WASF1: variants seen among roughly 807,000 people sequenced by gnomAD.
WASF1 encodes actin-binding protein WASF1.
Under a neutral mutation model 50.5 loss-of-function variants are expected in WASF1, and 7 were observed. The observed-to-expected ratio is 0.14, with a 90% CI of 0.08 to 0.26. The LOEUF is 0.26. Among genes scored for constraint, WASF1 ranks in the 10% least tolerant of loss-of-function variants. The pLI is 1.00. For synonymous variants in WASF1, 205 were observed against 244.0 expected (o/e 0.84, Z 1.49); for missense variants, 470 against 694.7 (o/e 0.68, Z 3.64).
chr6:110,153,364 A>G (rs1196525605), intron 3 of WASF1, among the ~76,000 whole-genome samples: 1 of 152,160 alleles, frequency 6.6e-6, no homozygotes, highest in South Asian at 2.1e-4. Flanking sequence ...GTTTGACCTT[A>G]TGGCAGATAA....
At chr6:110,133,311 C>T (rs55913032) in intron 3 of WASF1, among the ~76,000 whole-genome samples, 9,660 of 151,492 alleles carry the variant, frequency 0.064, 382 homozygotes, top group African/African-American at 0.12. Flanking sequence ...CATGCAAGTG[C>T]AAGTATCTTT....
At chr6:110,174,186 A>G (rs1776829816) in intron 2 of WASF1, among the ~76,000 whole-genome samples, 1 of 151,990 alleles carries the variant, frequency 6.6e-6, no homozygotes, top group South Asian at 2.1e-4. Context: ...TTCCTTTTCC[A>G]CCTAGCTAAC....
intron 2 of WASF1, among the ~76,000 whole-genome samples, chr6:110,174,039 A>T (rs904139955): frequency 6.6e-6 from 1 of 152,054 alleles, no homozygotes; most frequent in African/African-American, 2.4e-5. Context: ...ATAGACTTAA[A>T]ATCCTTAACC....
At chr6:110,131,010 T>C (rs1774642342) in intron 3 of WASF1, among the ~76,000 whole-genome samples, 1 of 152,238 alleles carries the variant, frequency 6.6e-6, no homozygotes, top group Admixed American at 6.5e-5. Flanking sequence ...TGTTCAATCC[T>C]CTTGTCCATT....
At chr6:110,127,994 T>G (rs1421472133) in intron 3 of WASF1, among the ~76,000 whole-genome samples, 1 of 152,154 alleles carries the variant, frequency 6.6e-6, no homozygotes, top group Non-Finnish European at 1.5e-5. Flanking sequence ...TAAACAACAC[T>G]TTATGTTCTC....
chr6:110,138,533 G>A (rs1042158031), intron 3 of WASF1, among the ~76,000 whole-genome samples: 2 of 152,216 alleles, frequency 1.3e-5, no homozygotes, highest in Non-Finnish European at 2.9e-5. Flanking sequence ...ATCACTGAGC[G>A]ACAGAACAGC....
chr6:110,142,264 G>A (rs1290786574), intron 3 of WASF1, among the ~76,000 whole-genome samples: 3 of 152,152 alleles, frequency 2.0e-5, no homozygotes, highest in African/African-American at 7.2e-5. Flanking sequence ...TGAAAGGAAT[G>A]TACAGCATAC....
At chr6:110,176,050 T>G (rs1380325216) in intron 2 of WASF1, among the ~76,000 whole-genome samples, 2 of 152,012 alleles carry the variant, frequency 1.3e-5, no homozygotes, top group East Asian at 3.9e-4. Context: ...AAAATAAGAC[T>G]CAAGTTCCAA....
chr6:110,140,714 G>A (rs975530822), intron 3 of WASF1, among the ~76,000 whole-genome samples: 1 of 152,102 alleles, frequency 6.6e-6, no homozygotes, highest in Non-Finnish European at 1.5e-5. Context: ...TGAGAGCAGA[G>A]GAAAAACACA....
chr6:110,122,043 G>A (rs1165165373), intron 4 of WASF1, among the ~76,000 whole-genome samples: 2 of 151,884 alleles, frequency 1.3e-5, no homozygotes, highest in Non-Finnish European at 2.9e-5. Flanking sequence ...GGAGGGTCGG[G>A]GGCTGGGGGA....
chr6:110,122,319 A>G (rs1160871892), intron 4 of WASF1, among the ~76,000 whole-genome samples: 1 of 152,154 alleles, frequency 6.6e-6, no homozygotes, highest in African/African-American at 2.4e-5. Flanking sequence ...AAGCGTTCCA[A>G]TTATTCAAGA....
In WASF1 at chr6:110,136,176, G is replaced by A. The variant is rs1470894021; in HGVS notation, c.-28-8547C>T. On this transcript the variant is annotated intron_variant, in intron 3 of 10. Transcript: ENST00000392589. ...TGGGACTACAGGCATGAGCCACTGC[G>A]CCCAGCCAAAATGGTCCGTTATCTT... Among the ~76,000 whole-genome samples the A allele has an allele frequency of 3.9e-5, 6 of 152,144 alleles. No homozygotes were observed. The South Asian group carries it at 8.3e-4, about 21-fold the overall frequency.
intron 4 of WASF1, among the ~76,000 whole-genome samples, chr6:110,120,368 A>G (rs1306076782): frequency 6.6e-6 from 1 of 152,210 alleles, no homozygotes; most frequent in Non-Finnish European, 1.5e-5. Flanking sequence ...CAATGTGCAA[A>G]AATCACAAGC....
chr6:110,112,760 C>G (rs568715554), intron 5 of WASF1, among the ~76,000 whole-genome samples: 4 of 151,828 alleles, frequency 2.6e-5, no homozygotes, highest in African/African-American at 9.7e-5. Context: ...ATTAGCCAGG[C>G]GTGGTGGCAG....
intron 9 of WASF1, among the ~76,000 whole-genome samples, chr6:110,102,438 C>G (rs918230817): frequency 6.6e-6 from 1 of 151,578 alleles, no homozygotes; most frequent in African/African-American, 2.4e-5. Context: ...TTGTAATAGT[C>G]TAAATAGTCT....
chr6:110,137,664 C>T (rs1176990366), intron 3 of WASF1, among the ~76,000 whole-genome samples: 1 of 152,192 alleles, frequency 6.6e-6, no homozygotes, highest in Non-Finnish European at 1.5e-5. Flanking sequence ...TGCTGATTTT[C>T]ATTATGGATT....
Position 110,108,638 on chromosome 6 carries a change from A to G in WASF1, c.312T>C (p.Ser104=). ...CGAAAAGCTGCTGGTCTTGAATTGTAGAACTTCGGAAAGCTTTCCTCATTG... is the reference window on the plus strand; with the variant it reads ...CGAAAAGCTGCTGGTCTTGAATTGTGGAACTTCGGAAAGCTTTCCTCATTG... ...DITMRKAFRS[S]TIQDQQLFDR... is the part of the protein sequence containing the mutation. The change falls in exon 6 of 11, where the codon TCT becomes TCC. Residue 104 remains serine, a synonymous_variant. Coordinates refer to ENST00000392589, the MANE Select transcript of WASF1 (RefSeq NM_003931.3). The G allele has an allele frequency of 6.2e-7, 1 of 1,614,086 alleles. No homozygotes were observed. Among genetic ancestry groups the G allele is most frequent in the Non-Finnish European group, 8.5e-7 (1 of 1,179,966 alleles).
intron 3 of WASF1, among the ~76,000 whole-genome samples, chr6:110,158,748 G>C (rs1776132272): frequency 6.6e-6 from 1 of 151,790 alleles, no homozygotes; most frequent in African/African-American, 2.4e-5. Context: ...GATTCATGTT[G>C]GAGTTAAGAA....
At chr6:110,107,852 T>G (rs1171663075) in intron 6 of WASF1, among the ~76,000 whole-genome samples, 1 of 152,100 alleles carries the variant, frequency 6.6e-6, no homozygotes, top group African/African-American at 2.4e-5. Flanking sequence ...AAGAAGTTAA[T>G]GTATACAAAT....
Sources: gnomAD v4.1 joint callset for allele counts (sites outside exome capture counted in the v4.1 genomes callset) on GRCh38, gnomAD v4.1.1 for gene constraint, MANE v1.5 for transcripts, NCBI Gene and HGNC (gene_info 2026-07-23, HGNC 2026-07-21) for gene names.